YAP1: variants seen among roughly 807,000 people sequenced by gnomAD.
YAP1 encodes the protein Yes1 associated transcriptional regulator.
YAP1 carries 5 observed loss-of-function variants against 56.9 expected under a neutral mutation model. The ratio of observed to expected loss-of-function variants is 0.09; its 90% CI spans 0.05 to 0.18. The LOEUF is 0.18. Ranked by LOEUF, YAP1 falls within the 10% of genes least tolerant of loss-of-function variation. The probability of loss-of-function intolerance (pLI) is 1.00; values close to 1 mark genes in which losing one functional copy is unlikely to be tolerated. For synonymous variants in YAP1, 265 were observed against 248.1 expected (o/e 1.07, Z -0.64); for missense variants, 539 against 651.8 (o/e 0.83, Z 1.88).
At chr11:102,179,552 G>C (rs1247854684) in intron 3 of YAP1, among the ~76,000 whole-genome samples, 1 of 152,126 alleles carries the variant, frequency 6.6e-6, no homozygotes, top group Admixed American at 6.6e-5. Flanking sequence ...CCCCTGCCTG[G>C]AATGCCCATG....
At chr11:102,129,740 G>A (rs939710835) in intron 2 of YAP1, among the ~76,000 whole-genome samples, 1 of 145,040 alleles carries the variant, frequency 6.9e-6, no homozygotes, top group African/African-American at 2.6e-5. Flanking sequence ...TCTTGTCCTT[G>A]TTTAGGTAAA....
chr11:102,141,925 A>G (rs573005306), intron 2 of YAP1, among the ~76,000 whole-genome samples: 1 of 152,272 alleles, frequency 6.6e-6, no homozygotes, highest in Admixed American at 6.5e-5. Context: ...AAATTCGGGG[A>G]TTGGAATATG....
intron 6 of YAP1, among the ~76,000 whole-genome samples, chr11:102,220,749 T>C (rs1949888166): frequency 6.6e-6 from 1 of 152,124 alleles, no homozygotes. Flanking sequence ...AATAAGTGCA[T>C]GTAAGATTTT....
chr11:102,155,361 C>T (rs866887187), intron 2 of YAP1, among the ~76,000 whole-genome samples: 1 of 152,110 alleles, frequency 6.6e-6, no homozygotes, highest in Non-Finnish European at 1.5e-5. Context: ...ACATACATTA[C>T]GTATAGAATA....
chr11:102,138,249 A>G (rs1480711241), intron 2 of YAP1, among the ~76,000 whole-genome samples: 1 of 152,226 alleles, frequency 6.6e-6, no homozygotes, highest in African/African-American at 2.4e-5. Flanking sequence ...TATGGAAAAA[A>G]TTAGTGGCCT....
Position 102,176,745 on chromosome 11 carries a change from C to CAAAAAAAAA in YAP1, c.689-9250_689-9242dup, listed in dbSNP as rs57082707. ...TGGGCAACAGAGTAAGACTCCGTCTCAAAAAAAAAAAAAAAAAAAAAAAAA... is the reference window on the plus strand; with the variant it reads ...TGGGCAACAGAGTAAGACTCCGTCTCAAAAAAAAAAAAAAAAAAAAAAAAAAAAAAAAAA... On this transcript the variant is annotated intron_variant, in intron 3 of 8. Transcript: ENST00000282441. Among the ~76,000 whole-genome samples the CAAAAAAAAA allele has an allele frequency of 3.3e-3, 151 of 45,504 alleles. 10 individuals carry two copies. Among genetic ancestry groups the CAAAAAAAAA allele is most frequent in the Non-Finnish European group, 3.5e-3 (92 of 26,176 alleles). The allele number at this position is 45,504 out of a possible 152,430, so 29.9% of individuals were successfully genotyped here. A position where few individuals can be genotyped will look rare whatever the true frequency, so the allele number is the denominator to read the frequency against.
At chr11:102,209,389 G>C (rs1949281925) in intron 5 of YAP1, 128 bp from the exon 6 acceptor site, 3 of 828,190 alleles carry the variant, frequency 3.6e-6, no homozygotes, top group East Asian at 2.8e-5. Context: ...TCGTCAGTCT[G>C]CTTCTTCTTG....
At chr11:102,209,654 C>T (rs1418306630) in intron 6 of YAP1, 90 bp downstream of exon 6, 1 of 1,193,378 alleles carries the variant, frequency 8.4e-7, no homozygotes, top group South Asian at 1.6e-5. Flanking sequence ...GGGTCCTGTC[C>T]TTATTGGACA....
intron 2 of YAP1, among the ~76,000 whole-genome samples, chr11:102,140,203 T>A (rs1378309621): frequency 1.4e-5 from 2 of 140,946 alleles, no homozygotes; most frequent in African/African-American, 2.6e-5. Flanking sequence ...AAAAAAAAAA[T>A]CTGTATTTTT....
intron 5 of YAP1, among the ~76,000 whole-genome samples, chr11:102,206,986 C>T (rs1307387564): frequency 2.0e-5 from 3 of 152,090 alleles, no homozygotes; most frequent in Non-Finnish European, 4.4e-5. Context: ...AGCTTTCTTC[C>T]AGAAGGTACT....
At chr11:102,220,237 C>T (rs1490222493) in intron 6 of YAP1, among the ~76,000 whole-genome samples, 1 of 151,890 alleles carries the variant, frequency 6.6e-6, no homozygotes, top group Non-Finnish European at 1.5e-5. Context: ...AAATGGACTT[C>T]CCTGAATAGG....
At chr11:102,221,299 C>CCGAA (rs1171877944) in intron 6 of YAP1, among the ~76,000 whole-genome samples, 16 of 151,966 alleles carry the variant, frequency 1.1e-4, no homozygotes, top group Non-Finnish European at 1.6e-4. Context: ...TCCCTAGGTT[C>CCGAA]CCTCTCAGGA....
At chr11:102,124,872 A>G (rs1380005652) in intron 2 of YAP1, among the ~76,000 whole-genome samples, 1 of 152,070 alleles carries the variant, frequency 6.6e-6, no homozygotes, top group South Asian at 2.1e-4. Flanking sequence ...AGTAGCTGGG[A>G]TCACAGATTG....
At chr11:102,218,136 T>C (rs1339128842) in intron 6 of YAP1, among the ~76,000 whole-genome samples, 1 of 152,266 alleles carries the variant, frequency 6.6e-6, no homozygotes, top group African/African-American at 2.4e-5. Context: ...TTGGAATATC[T>C]AATCACCTGT....
intron 3 of YAP1, among the ~76,000 whole-genome samples, chr11:102,169,520 T>C (rs890771801): frequency 1.3e-5 from 2 of 152,182 alleles, no homozygotes; most frequent in Non-Finnish European, 2.9e-5. Context: ...GGAAACCTAA[T>C]AGCAGTGAAC....
intron 3 of YAP1, among the ~76,000 whole-genome samples, chr11:102,179,247 T>A (rs897824839): frequency 6.6e-6 from 1 of 152,146 alleles, no homozygotes; most frequent in African/African-American, 2.4e-5. Context: ...ACTTTGGTAT[T>A]GGTGGTCAGG....
At chr11:102,216,962 G>C (rs918360844) in intron 6 of YAP1, among the ~76,000 whole-genome samples, 9 of 152,162 alleles carry the variant, frequency 5.9e-5, no homozygotes, top group Admixed American at 2.6e-4. Context: ...TTTTCCCATT[G>C]AGCTTGTAAA....
chr11:102,200,212 T>C (rs544637398), intron 4 of YAP1, among the ~76,000 whole-genome samples: 2 of 152,330 alleles, frequency 1.3e-5, no homozygotes, highest in Admixed American at 6.5e-5. Flanking sequence ...TGTCAGAATT[T>C]ATTCTATGAT....
chr11:102,127,237 C>G (rs1222175429), intron 2 of YAP1, among the ~76,000 whole-genome samples: 3 of 152,198 alleles, frequency 2.0e-5, no homozygotes, highest in Non-Finnish European at 4.4e-5. Flanking sequence ...GGGAAGATGT[C>G]TCCAGGCCAT....
Sources: gnomAD v4.1 joint callset for allele counts (sites outside exome capture counted in the v4.1 genomes callset) on GRCh38, gnomAD v4.1.1 for gene constraint, MANE v1.5 for transcripts, NCBI Gene and HGNC (gene_info 2026-07-23, HGNC 2026-07-21) for gene names.